NALCN: variants seen among roughly 807,000 people sequenced by gnomAD.
NALCN encodes the protein sodium leak channel NALCN.
NALCN carries 111 observed loss-of-function variants against 225.3 expected under a neutral mutation model. That is an observed-to-expected ratio of 0.49 (90% CI 0.42 to 0.58). The LOEUF (loss-of-function observed/expected upper bound fraction) is 0.58, where lower values mean the gene tolerates loss of function less well. Ranked by LOEUF, NALCN falls within the 20% of genes least tolerant of loss-of-function variation. The probability of loss-of-function intolerance (pLI) is 0.00; values close to 1 mark genes in which losing one functional copy is unlikely to be tolerated. For synonymous variants in NALCN, 764 were observed against 769.0 expected, an observed-to-expected ratio of 0.99 and a Z score of 0.11; for missense variants, 1,378 against 2,202.4, an observed-to-expected ratio of 0.63 and a Z score of 7.49.
intron 28 of NALCN, among the ~76,000 whole-genome samples, chr13:101,094,436 CATG>C (rs1264475959): frequency 5.3e-5 from 8 of 152,078 alleles, no homozygotes; most frequent in African/African-American, 1.9e-4. Flanking sequence ...CATTTACTTC[CATG>C]ATATTATCTT....
chr13:101,226,224 A>C (rs896056598), intron 13 of NALCN, among the ~76,000 whole-genome samples: 1 of 152,090 alleles, frequency 6.6e-6, no homozygotes, highest in African/African-American at 2.4e-5. Context: ...CTCTGACCAG[A>C]AACACGCCAA....
intron 7 of NALCN, among the ~76,000 whole-genome samples, chr13:101,327,656 T>A (rs2045009131): frequency 6.6e-6 from 1 of 152,186 alleles, no homozygotes; most frequent in South Asian, 2.1e-4. Context: ...TAAAAATTCA[T>A]GTTTAGAGTT....
chr13:101,344,871 GT>G (rs1437671438), intron 7 of NALCN, among the ~76,000 whole-genome samples: 4 of 152,210 alleles, frequency 2.6e-5, no homozygotes, highest in Non-Finnish European at 5.9e-5. Context: ...TAGTATTACA[GT>G]TTTTAAGACT....
At chr13:101,284,376 A>G (rs904573385) in intron 9 of NALCN, among the ~76,000 whole-genome samples, 1 of 152,204 alleles carries the variant, frequency 6.6e-6, no homozygotes, top group Admixed American at 6.5e-5. Flanking sequence ...GAAAATCAGA[A>G]TTTAAAAGCA....
Position 101,111,354 on chromosome 13 carries a change from C to T in NALCN, c.2193-128G>A, listed in dbSNP as rs911351842. The T allele has an allele frequency of 9.8e-5, 66 of 673,456 alleles. No homozygotes were observed. The Admixed American group carries it at 1.1e-3, about 11-fold the overall frequency. 41.7% of individuals were successfully genotyped at this position (673,456 alleles called of 1,614,324 possible). A position where few individuals can be genotyped will look rare whatever the true frequency, so the allele number is the denominator to read the frequency against. ...TGAAAACACAAAATACAGCAAATAA[C>T]GTATAATTATAAAGGAAAATGAACT... On this transcript the variant is annotated intron_variant, in intron 18 of 43. Coordinates refer to ENST00000251127, the MANE Select transcript of NALCN (RefSeq NM_052867.4).
chr13:101,333,047 C>T (rs550158719), intron 7 of NALCN, among the ~76,000 whole-genome samples: 1 of 152,182 alleles, frequency 6.6e-6, no homozygotes, highest in South Asian at 2.1e-4. Context: ...TTTTCAGTAC[C>T]TATATAGAGT....
chr13:101,253,875 G>T (rs2042134034), intron 11 of NALCN, among the ~76,000 whole-genome samples: 1 of 151,980 alleles, frequency 6.6e-6, no homozygotes, highest in Admixed American at 6.5e-5. Flanking sequence ...GAAAGAGTTT[G>T]CCAAACCCTG....
chr13:101,313,798 A>C (rs1404446298), intron 7 of NALCN, among the ~76,000 whole-genome samples: 2 of 152,178 alleles, frequency 1.3e-5, no homozygotes, highest in South Asian at 2.1e-4. Context: ...TGACCCAGCC[A>C]TCCCATTACT....
chr13:101,155,289 C>T (rs116554671), intron 15 of NALCN, among the ~76,000 whole-genome samples: 1,983 of 152,274 alleles, frequency 0.013, 37 homozygotes, highest in African/African-American at 0.045. Flanking sequence ...GGTTTTTGCA[C>T]GAATGACTTT....
intron 20 of NALCN, among the ~76,000 whole-genome samples, chr13:101,107,999 A>C (rs961955652): frequency 2.7e-5 from 4 of 148,370 alleles, no homozygotes; most frequent in African/African-American, 9.8e-5. Context: ...ATTTACAACA[A>C]ATATGTATAT....
chr13:101,316,079 TGAAAG>T (rs1292092977), intron 7 of NALCN, among the ~76,000 whole-genome samples: 9 of 152,286 alleles, frequency 5.9e-5, no homozygotes, highest in Admixed American at 2.6e-4. Flanking sequence ...CTGTCACTAA[TGAAAG>T]GAAAGAATCA....
chr13:101,236,770 G>C (rs112187340), intron 12 of NALCN, among the ~76,000 whole-genome samples: 3 of 122,886 alleles, frequency 2.4e-5, no homozygotes, highest in African/African-American at 5.7e-5. Context: ...GTTGTGGGGT[G>C]GGGGGAGGGG....
At chr13:101,140,941 A>C (rs1052189439) in intron 17 of NALCN, among the ~76,000 whole-genome samples, 4 of 152,208 alleles carry the variant, frequency 2.6e-5, no homozygotes, top group African/African-American at 4.8e-5. Context: ...TCTCTAAAAA[A>C]ATAAAAATAA....
At chr13:101,411,600 G>C (rs1248866146) in intron 1 of NALCN, among the ~76,000 whole-genome samples, 3 of 151,932 alleles carry the variant, frequency 2.0e-5, no homozygotes, top group South Asian at 4.2e-4. Context: ...CACCCATCTC[G>C]GCCTCCCAAA....
chr13:101,231,449 T>A (rs2041345850), intron 12 of NALCN, among the ~76,000 whole-genome samples: 1 of 152,216 alleles, frequency 6.6e-6, no homozygotes, highest in African/African-American at 2.4e-5. Context: ...AATTAGTACA[T>A]AATTAAAAGC....
rs759523803 is a variant in NALCN at position 101,360,189 on chromosome 13, C to CCTCTCTCTCTCT, written c.645-14781_645-14770dup. Among the ~76,000 whole-genome samples, 164 of 89,288 alleles carry CCTCTCTCTCTCT rather than the reference C, an allele frequency of 1.8e-3. 6 individuals carry two copies. Among genetic ancestry groups the CCTCTCTCTCTCT allele is most frequent in the East Asian group, 2.8e-3 (7 of 2,538 alleles). The allele number at this position is 89,288 out of a possible 152,430, so 58.6% of individuals were successfully genotyped here. On this transcript the variant is annotated intron_variant, in intron 6 of 43. Transcript: ENST00000251127. ...CTCTTTCTTCCTCTCTTCCTCTCTT[C>CCTCTCTCTCTCT]CTCTCTCTCTCTCTCTCTCTCTCTC... is the stretch of plus-strand genomic sequence containing the variant.
intron 15 of NALCN, among the ~76,000 whole-genome samples, chr13:101,151,168 A>G (rs2037628838): frequency 6.6e-6 from 1 of 152,232 alleles, no homozygotes; most frequent in Non-Finnish European, 1.5e-5. Flanking sequence ...ATCATTACAC[A>G]TCGGGCGGCT....
intron 1 of NALCN, among the ~76,000 whole-genome samples, chr13:101,408,021 TGA>T (rs2047671477): frequency 6.6e-6 from 1 of 152,174 alleles, no homozygotes; most frequent in South Asian, 2.1e-4. Flanking sequence ...CAGGTGAAAC[TGA>T]GTTTTGGAGA....
At chr13:101,143,287 C>G (rs2037185521) in intron 16 of NALCN, 66 bp from the exon 17 acceptor site, 2 of 1,481,622 alleles carry the variant, frequency 1.3e-6, no homozygotes, top group Non-Finnish European at 1.8e-6. Context: ...CAGCATTTTG[C>G]AATGATGAGT....
Sources: gnomAD v4.1 joint callset for allele counts (sites outside exome capture counted in the v4.1 genomes callset) on GRCh38, gnomAD v4.1.1 for gene constraint, MANE v1.5 for transcripts, NCBI Gene and HGNC (gene_info 2026-07-23, HGNC 2026-07-21) for gene names.